The following ZNF90 variants were observed in gnomAD, a reference collection of about 807,000 sequenced individuals.
The protein encoded by ZNF90 is zinc finger protein 90.
A neutral mutation model predicts 12.0 loss-of-function variants in ZNF90; 11 were observed. The ratio of observed to expected loss-of-function variants is 0.92; its 90% confidence interval spans 0.58 to 1.52. ZNF90 has a LOEUF of 1.52. Among genes scored for constraint, ZNF90 ranks in the 40% most tolerant of loss-of-function variants. The probability of loss-of-function intolerance (pLI) is 0.00; values close to 1 mark genes in which losing one functional copy is unlikely to be tolerated. For synonymous variants in ZNF90, 232 were observed against 240.1 expected (o/e 0.97, Z 0.31); for missense variants, 765 against 711.5 (o/e 1.08, Z -0.86).
At chr19:20,116,415 C>T (rs1315994491) in intron 3 of ZNF90, among the ~76,000 whole-genome samples, 2 of 152,276 alleles carry the variant, frequency 1.3e-5, no homozygotes, top group East Asian at 1.9e-4. Flanking sequence ...TGTGATTTTC[C>T]CACCTTAACC....
At chr19:20,112,741 A>G (rs1245715882) in intron 3 of ZNF90, among the ~76,000 whole-genome samples, 1 of 152,036 alleles carries the variant, frequency 6.6e-6, no homozygotes, top group Admixed American at 6.6e-5. Flanking sequence ...TGCTGGTTAG[A>G]AATGTTTTTT....
At chr19:20,103,037 C>G (rs1209784842) in intron 1 of ZNF90, among the ~76,000 whole-genome samples, 1 of 152,056 alleles carries the variant, frequency 6.6e-6, no homozygotes, top group Non-Finnish European at 1.5e-5. Flanking sequence ...AACACCAGGT[C>G]GTGGGGGTGA....
chr19:20,113,178 ATTTTTTTTTCT>A (rs1436798543), intron 3 of ZNF90, among the ~76,000 whole-genome samples: 1 of 148,104 alleles, frequency 6.8e-6, no homozygotes, highest in African/African-American at 2.5e-5. Context: ...ACGGTTTTTT[ATTTTTTTTTCT>A]TTTTTTTTTC....
At chr19:20,099,062 A>T (rs1423397596) in intron 1 of ZNF90, among the ~76,000 whole-genome samples, 1 of 152,226 alleles carries the variant, frequency 6.6e-6, no homozygotes, top group Non-Finnish European at 1.5e-5. Context: ...TATGGTTGGT[A>T]CAACAAATAC....
At chr19:20,089,241 G>A (rs2088883317) in intron 1 of ZNF90, among the ~76,000 whole-genome samples, 1 of 152,158 alleles carries the variant, frequency 6.6e-6, no homozygotes, top group Admixed American at 6.6e-5. Context: ...GTATCTATGA[G>A]CAACCTTTCA....
At chr19:20,105,108 T>C in intron 2 of ZNF90, 113 bp from the exon 3 acceptor site, 1 of 623,376 alleles carries the variant, frequency 1.6e-6, no homozygotes, top group Non-Finnish European at 2.4e-6. Context: ...TTTTTATAAC[T>C]CTATTTTGGA....
intron 1 of ZNF90, among the ~76,000 whole-genome samples, chr19:20,095,938 C>T (rs1488799345): frequency 2.6e-5 from 4 of 152,184 alleles, no homozygotes; most frequent in Admixed American, 6.5e-5. Flanking sequence ...ACCCTTGAAA[C>T]GTGAGTGTAT....
At chr19:20,100,748 C>G (rs7249909) in intron 1 of ZNF90, among the ~76,000 whole-genome samples, 4,991 of 152,302 alleles carry the variant, frequency 0.033, 271 homozygotes, top group East Asian at 0.24. Context: ...ATTCCTAAGC[C>G]TAGCTGGGGA....
intron 3 of ZNF90, among the ~76,000 whole-genome samples, chr19:20,109,078 T>C (rs1391327059): frequency 6.6e-6 from 1 of 152,206 alleles, no homozygotes; most frequent in Non-Finnish European, 1.5e-5. Flanking sequence ...ACTTATGTAG[T>C]AAGTAGAGAA....
chr19:20,091,654 G>A (rs1555702723), intron 1 of ZNF90, among the ~76,000 whole-genome samples: 1 of 152,196 alleles, frequency 6.6e-6, no homozygotes, highest in Non-Finnish European at 1.5e-5. Flanking sequence ...GCCCCTTGCA[G>A]TGAATGACCC....
intron 1 of ZNF90, among the ~76,000 whole-genome samples, chr19:20,092,649 C>T (rs797036043): frequency 3.3e-5 from 5 of 152,142 alleles, no homozygotes; most frequent in East Asian, 3.9e-4. Flanking sequence ...CCAACCATGC[C>T]GAGGAAGGAA....
At chr19:20,106,517 C>T (rs1380642551) in intron 3 of ZNF90, among the ~76,000 whole-genome samples, 2 of 152,126 alleles carry the variant, frequency 1.3e-5, no homozygotes, top group African/African-American at 2.4e-5. Flanking sequence ...TGCAGTGGCG[C>T]GATTTCGCTC....
chr19:20,119,497 A>G lies in ZNF90; in HGVS notation c.*137A>G. ...AGAATTTATATGAAACATAACTCCT[A>G]CAAAAATAAAGAATGTGACAAATCA... On this transcript the variant is annotated 3_prime_UTR_variant, in exon 4 of 4. Coordinates refer to ENST00000418063, the MANE Select transcript of ZNF90 (RefSeq NM_007138.2). 2 of 754,576 alleles carry G rather than the reference A, an allele frequency of 2.7e-6. No individual in the cohort carries two copies. Among genetic ancestry groups the G allele is most frequent in the Non-Finnish European group, 4.2e-6 (2 of 474,888 alleles). The allele number at this position is 754,576 out of a possible 1,614,324, so 46.7% of individuals were successfully genotyped here.
chr19:20,091,634 G>A (rs1193013526), intron 1 of ZNF90, among the ~76,000 whole-genome samples: 1 of 152,198 alleles, frequency 6.6e-6, no homozygotes, highest in African/African-American at 2.4e-5. Flanking sequence ...GGGATCTGAT[G>A]CCTTTTGATG....
intron 1 of ZNF90, among the ~76,000 whole-genome samples, chr19:20,093,423 C>G (rs972463207): frequency 6.6e-6 from 1 of 151,874 alleles, no homozygotes; most frequent in Non-Finnish European, 1.5e-5. Context: ...GGCATGTGAT[C>G]GGTTGCCAGG....
In ZNF90 at chr19:20,118,103, C is replaced by T; in HGVS notation, c.549C>T (p.Asn183=). ...GTATAGAATGTGGCAAAGCTTTCAA[C>T]CAGTCCTCAACCCTTGCTACACATA... ...FKCIECGKAF[N]QSSTLATHKK... The change falls in exon 4 of 4, where the codon AAC becomes AAT. Residue 183 remains asparagine (N), a synonymous_variant. Coordinates refer to ENST00000418063, the MANE Select transcript of ZNF90 (RefSeq NM_007138.2). 1 of 1,613,446 alleles carries T rather than the reference C, an allele frequency of 6.2e-7. No homozygotes were observed. The highest frequency in any genetic ancestry group is 8.5e-7 in the Non-Finnish European group (1 of 1,179,660).
In ZNF90 at chr19:20,119,372, A is replaced by G. The variant is rs782249860; in HGVS notation, c.*12A>G. On this transcript the variant is annotated 3_prime_UTR_variant, in exon 4 of 4. Transcript: ENST00000418063. ...TGGCAAATCTTTGAAATATTCCTCA[A>G]CCCTTAATAAACATAAGATAATTCA... is the stretch of plus-strand genomic sequence containing the variant. The G allele has an allele frequency of 4.5e-6, 7 of 1,555,126 alleles. No individual in the cohort carries two copies. The East Asian group carries it at 1.7e-4, about 37-fold the overall frequency.
At chr19:20,105,136 A>G (rs2089023789) in intron 2 of ZNF90, 85 bp from the exon 3 acceptor site, 1 of 979,638 alleles carries the variant, frequency 1.0e-6, no homozygotes, top group African/African-American at 1.7e-5. Flanking sequence ...AGACTATTTT[A>G]TCACATCTTC....
In ZNF90 at chr19:20,115,395, T is replaced by C. The variant is rs116334277; in HGVS notation, c.227-2386T>C. Among the ~76,000 whole-genome samples the C allele has an allele frequency of 6.2e-3, 938 of 150,558 alleles. 7 individuals carry two copies. The highest frequency in any genetic ancestry group is 0.022 in the African/African-American group (889 of 40,818). On this transcript the variant is annotated intron_variant, in intron 3 of 3. Transcript: ENST00000418063. ...TTTTGTTTTATTTGATTCTTGTATCTTTGTCTCTCATTTTCCTTTCTGTTT... is the reference window on the plus strand; with the variant it reads ...TTTTGTTTTATTTGATTCTTGTATCCTTGTCTCTCATTTTCCTTTCTGTTT...
Sources: allele counts gnomAD v4.1 joint callset (sites outside exome capture counted in the v4.1 genomes callset), GRCh38; gene constraint gnomAD v4.1.1; transcripts MANE v1.5; gene names NCBI Gene and HGNC (gene_info 2026-07-23, HGNC 2026-07-21).